RICTOR: variants seen among roughly 807,000 people sequenced by gnomAD.
The protein encoded by RICTOR is rapamycin-insensitive companion of mTOR.
RICTOR carries 49 observed loss-of-function variants against 214.9 expected under a neutral mutation model. That is an observed-to-expected ratio of 0.23 (90% CI 0.18 to 0.29). The LOEUF (loss-of-function observed/expected upper bound fraction) is 0.29. RICTOR is among the 10% of genes least tolerant of loss of function. The pLI is 1.00. For synonymous variants in RICTOR, 717 were observed against 711.3 expected (o/e 1.01, Z -0.13); for missense variants, 1,625 against 2,047.0 (o/e 0.79, Z 3.98).
intron 3 of RICTOR, among the ~76,000 whole-genome samples, chr5:39,006,547 C>G (rs1277244148): frequency 6.6e-6 from 1 of 151,616 alleles, no homozygotes; most frequent in Non-Finnish European, 1.5e-5. Context: ...TATAAAGCAA[C>G]CAAAGTGATC....
chr5:39,051,626 C>T (rs1336623215), intron 2 of RICTOR, among the ~76,000 whole-genome samples: 8 of 151,996 alleles, frequency 5.3e-5, no homozygotes, highest in South Asian at 2.1e-4. Context: ...TAGTGGTGGG[C>T]GCCTGTAATC....
Position 38,996,898 on chromosome 5 carries a change from A to T in RICTOR, c.393-16T>A. On this transcript the variant is annotated splice_polypyrimidine_tract_variant and intron_variant, in intron 5 of 37. Coordinates refer to ENST00000357387, the MANE Select transcript of RICTOR (RefSeq NM_152756.5). ...GTCAATGCACCTAAACAATACACAA[A>T]ATATTAATCATTGATAAAATTCTAT... is the stretch of plus-strand genomic sequence containing the variant. The T allele has an allele frequency of 6.4e-7, 1 of 1,571,776 alleles. No individual in the cohort carries two copies. Among genetic ancestry groups the T allele is most frequent in the Non-Finnish European group, 8.8e-7 (1 of 1,142,706 alleles).
chr5:38,963,942 T>A (rs760759976), intron 16 of RICTOR, among the ~76,000 whole-genome samples: 5 of 151,922 alleles, frequency 3.3e-5, no homozygotes, highest in African/African-American at 4.8e-5. Flanking sequence ...TGTTAAACAG[T>A]ATTTCCAAAG....
chr5:39,024,588 G>A (rs967888594), intron 2 of RICTOR, among the ~76,000 whole-genome samples: 8 of 152,144 alleles, frequency 5.3e-5, no homozygotes, highest in African/African-American at 1.9e-4. Flanking sequence ...TCAGGGTTGA[G>A]GTTCATAGAA....
intron 2 of RICTOR, among the ~76,000 whole-genome samples, chr5:39,053,621 G>A (rs1757992260): frequency 6.6e-6 from 1 of 152,190 alleles, no homozygotes; most frequent in South Asian, 2.1e-4. Flanking sequence ...GGTCGGGCGC[G>A]GTGGCTCACG....
At chr5:38,944,777 T>A in intron 35 of RICTOR, 136 bp downstream of exon 35, 1 of 923,082 alleles carries the variant, frequency 1.1e-6, no homozygotes, top group South Asian at 1.5e-5. Flanking sequence ...ATTAACAGTG[T>A]TAAATTGCTT....
intron 2 of RICTOR, among the ~76,000 whole-genome samples, chr5:39,022,133 G>T (rs1012215277): frequency 1.3e-5 from 2 of 152,110 alleles, no homozygotes; most frequent in Non-Finnish European, 2.9e-5. Flanking sequence ...CCCAACTATA[G>T]GCTAATGTAA....
chr5:38,944,541 T>C lies in RICTOR; in HGVS notation c.4818A>G (p.Pro1606=). 6.2e-7 allele frequency: 1 copy of C among 1,608,184 alleles called. No individual in the cohort carries two copies. The highest frequency in any genetic ancestry group is 8.5e-7 in the Non-Finnish European group (1 of 1,177,870). Residue 1606 remains proline (P), a synonymous_variant, in exon 36 of 38, where the codon CCA becomes CCG. Coordinates refer to ENST00000357387, the MANE Select transcript of RICTOR (RefSeq NM_152756.5). The stretch of plus-strand genomic sequence containing the variant: ...CTTTGCGAAGGAGTATACGGCACAT[T>C]GGTGTATCATCTGGAATTGTTTTAA... ...LGVKTIPDDT[P]MCRILLRKEV... is the part of the protein sequence containing the mutation.
chr5:38,974,004 T>A (rs1750999333), intron 10 of RICTOR, among the ~76,000 whole-genome samples: 1 of 152,194 alleles, frequency 6.6e-6, no homozygotes, highest in Non-Finnish European at 1.5e-5. Flanking sequence ...TGCTGATATT[T>A]CTCTTCTTAC....
intron 2 of RICTOR, among the ~76,000 whole-genome samples, chr5:39,072,656 A>C (rs1010010657): frequency 7.2e-5 from 11 of 152,202 alleles, no homozygotes; most frequent in African/African-American, 2.4e-4. Flanking sequence ...TAGATTTTTC[A>C]CATGTGTGTT....
chr5:38,949,518 T>C, intron 31 of RICTOR, 194 bp downstream of exon 31: 1 of 1,231,704 alleles, frequency 8.1e-7, no homozygotes, highest in Non-Finnish European at 1.1e-6. Flanking sequence ...CTATAGGATT[T>C]TCTTCCCCCC....
In RICTOR at chr5:39,074,144, C is replaced by T; in HGVS notation, c.64G>A (p.Gly22Ser). The stretch of plus-strand genomic sequence containing the variant: ...AGATCCAGCGGGACGTTCTCCTCGC[C>T]GCTGTCATTCCGCCCTGCGCGAAAC... Reference protein sequence around the residue: ...NLRVRGRNDSGEENVPLDLTR... With the variant: ...NLRVRGRNDSSEENVPLDLTR... The change falls in exon 2 of 38, where the codon GGC (glycine) becomes AGC (serine). Residue 22 changes from glycine to serine, a missense_variant. Transcript: ENST00000357387. The T allele has an allele frequency of 6.3e-7, 1 of 1,586,934 alleles. No homozygotes were observed. Among genetic ancestry groups the T allele is most frequent in the Non-Finnish European group, 8.6e-7 (1 of 1,168,614 alleles).
At chr5:38,952,557 A>G in intron 29 of RICTOR, 132 bp from the exon 30 acceptor site, 1 of 572,764 alleles carries the variant, frequency 1.7e-6, no homozygotes, top group Non-Finnish European at 3.0e-6. Flanking sequence ...TTTGTGGAAA[A>G]AAAAAAACTT....
At chr5:39,021,253 T>C (rs775849990) in intron 2 of RICTOR, 117 bp from the exon 3 acceptor site, 19 of 689,158 alleles carry the variant, frequency 2.8e-5, no homozygotes, top group Non-Finnish European at 4.5e-5. Context: ...AGTCTTACCC[T>C]CCACCCCAAA....
At chr5:38,990,539 T>TATATACACG (rs1244000539) in intron 7 of RICTOR, among the ~76,000 whole-genome samples, 1 of 141,340 alleles carries the variant, frequency 7.1e-6, no homozygotes, top group Admixed American at 7.0e-5. Flanking sequence ...ATATATACGA[T>TATATACACG]ATATACACGA....
At chr5:39,024,631 A>T (rs1755671801) in intron 2 of RICTOR, among the ~76,000 whole-genome samples, 1 of 152,212 alleles carries the variant, frequency 6.6e-6, no homozygotes, top group Non-Finnish European at 1.5e-5. Context: ...GGAAATGTAT[A>T]ATCTAAACAT....
chr5:38,947,596 T>C (rs940994237), intron 31 of RICTOR, among the ~76,000 whole-genome samples, 155 bp from the exon 32 acceptor site: 2 of 152,126 alleles, frequency 1.3e-5, no homozygotes, highest in African/African-American at 4.8e-5. Flanking sequence ...ATAAACACTT[T>C]AAAATATTAG....
rs183332433 is a variant in RICTOR at position 38,967,294 on chromosome 5, C to A, written c.1151+43G>T. ...AGATTACACAGTCTAACATAAAAAC[C>A]CGAATTCTAATAAATTGAAACCCTT... On this transcript the variant is annotated intron_variant, in intron 13 of 37. Transcript: ENST00000357387. The A allele has an allele frequency of 1.3e-5, 21 of 1,596,730 alleles. No individual in the cohort carries two copies. In the African/African-American group the frequency reaches 2.7e-4, roughly 20 times the overall value.
chr5:38,955,122 T>C (rs951220587), intron 26 of RICTOR, among the ~76,000 whole-genome samples: 7 of 151,954 alleles, frequency 4.6e-5, no homozygotes, highest in Non-Finnish European at 7.4e-5. Context: ...TAGTATTTAA[T>C]GCAAACTATT....
Sources: allele counts gnomAD v4.1 joint callset (sites outside exome capture counted in the v4.1 genomes callset), GRCh38; gene constraint gnomAD v4.1.1; transcripts MANE v1.5; gene names NCBI Gene and HGNC (gene_info 2026-07-23, HGNC 2026-07-21).